The following C1orf185 variants were observed in gnomAD, a reference collection of about 807,000 sequenced individuals.
The protein encoded by C1orf185 is chromosome 1 open reading frame 185, also known as uncharacterized protein C1orf185.
Under a neutral mutation model 16.1 loss-of-function variants are expected in C1orf185, and 13 were observed. The observed-to-expected ratio is 0.81, with a 90% CI of 0.53 to 1.28. The LOEUF (loss-of-function observed/expected upper bound fraction) is 1.28, where lower values mean the gene tolerates loss of function less well. Ranked by LOEUF, C1orf185 falls within the 50% of genes most tolerant of loss-of-function variation. The pLI, the probability that C1orf185 is intolerant of heterozygous loss-of-function variation, is 0.00. For synonymous variants in C1orf185, 80 were observed against 76.9 expected (o/e 1.04, Z -0.21); for missense variants, 220 against 225.2 (o/e 0.98, Z 0.15).
chr1:51,132,321 C>T (rs1343788310), intron 3 of C1orf185, among the ~76,000 whole-genome samples: 1 of 152,194 alleles, frequency 6.6e-6, no homozygotes, highest in Admixed American at 6.5e-5. Flanking sequence ...CATTGAAACC[C>T]AGTGCAAGAA....
chr1:51,151,078 AG>A (rs781702807), downstream of C1orf185, among the ~76,000 whole-genome samples: 1 of 152,230 alleles, frequency 6.6e-6, no homozygotes, highest in East Asian at 1.9e-4. Context: ...ACATTGACAT[AG>A]GGTATTAATT....
At chr1:51,102,293 GA>G in intron 1 of C1orf185, 44 bp downstream of exon 1, 1 of 708,486 alleles carries the variant, frequency 1.4e-6, no homozygotes, top group Non-Finnish European at 2.6e-6. Context: ...TGCCTGGGAA[GA>G]AGAGGAAAAT....
rs889740152 is a variant in C1orf185 at position 51,102,382 on chromosome 1, G to C, written c.16+133G>C. On this transcript the variant is annotated intron_variant, in intron 1 of 4. Transcript: ENST00000371759. ...TAAGATAAGAAATACTTGAATCATG[G>C]GTATACAGTAGAAATTGTAAAGTTA... 1.2e-5 allele frequency: 6 copies of C among 509,960 alleles called. No homozygotes were observed. The South Asian group carries it at 1.9e-4, about 16-fold the overall frequency. 31.6% of individuals were successfully genotyped at this position (509,960 alleles called of 1,614,324 possible).
chr1:51,124,085 T>G (rs1013618879), intron 3 of C1orf185, among the ~76,000 whole-genome samples: 84 of 147,184 alleles, frequency 5.7e-4, no homozygotes, highest in African/African-American at 1.2e-3. Flanking sequence ...TAGTTTGTTT[T>G]TTTTTTTTTT....
downstream of C1orf185, among the ~76,000 whole-genome samples, chr1:51,151,186 A>G (rs1381005470): frequency 1.3e-5 from 2 of 152,244 alleles, no homozygotes; most frequent in Admixed American, 6.5e-5. Context: ...TGTTTGAACA[A>G]CTAAATGTAG....
At chr1:51,143,249 C>T (rs749861073) in intron 3 of C1orf185, among the ~76,000 whole-genome samples, 22 of 152,200 alleles carry the variant, frequency 1.4e-4, no homozygotes, top group Admixed American at 7.9e-4. Context: ...TCTAGCTATA[C>T]AAATTACTTG....
At chr1:51,137,592 C>T (rs373921501) in intron 3 of C1orf185, among the ~76,000 whole-genome samples, 4 of 152,100 alleles carry the variant, frequency 2.6e-5, no homozygotes, top group East Asian at 1.9e-4. Flanking sequence ...GGAACTCTTA[C>T]ACACTGTTAT....
At chr1:51,145,616 AT>A in intron 3 of C1orf185, 107 bp from the exon 4 acceptor site, 1 of 537,852 alleles carries the variant, frequency 1.9e-6, no homozygotes, top group Non-Finnish European at 3.0e-6. Context: ...AACATTTTCC[AT>A]TAAAAAATTA....
chr1:51,124,089 T>G (rs981478504), intron 3 of C1orf185, among the ~76,000 whole-genome samples: 13 of 148,172 alleles, frequency 8.8e-5, no homozygotes, highest in Non-Finnish European at 1.5e-4. Context: ...TTGTTTTTTT[T>G]TTTTTTTTTT....
intron 3 of C1orf185, among the ~76,000 whole-genome samples, chr1:51,132,420 A>G (rs555694895): frequency 2.0e-5 from 3 of 152,336 alleles, no homozygotes; most frequent in Non-Finnish European, 4.4e-5. Flanking sequence ...GAGCTGAAAA[A>G]CACACTACAT....
chr1:51,111,370 C>CTTTTTTTTTTTTT lies in C1orf185; in HGVS notation c.17-1091_17-1090insTTTTTTTTTTTTT, dbSNP rs35232347. Among the ~76,000 whole-genome samples, 73 of 114,398 alleles carry CTTTTTTTTTTTTT rather than the reference C, an allele frequency of 6.4e-4. 5 individuals carry two copies. Among genetic ancestry groups the CTTTTTTTTTTTTT allele is most frequent in the Middle Eastern group, 4.7e-3 (1 of 214 alleles). The allele number at this position is 114,398 out of a possible 152,430, so 75.0% of individuals were successfully genotyped here. On this transcript the variant is annotated intron_variant, in intron 1 of 4. Coordinates refer to ENST00000371759, the MANE Select transcript of C1orf185 (RefSeq NM_001136508.2). ...ATATTGCTTTCATTTAGCTTTCTTT[C>CTTTTTTTTTTTTT]TTTCTTTTTTTTTTTTTTTGAGAGA...
chr1:51,118,933 G>A, intron 3 of C1orf185, 132 bp downstream of exon 3: 1 of 668,606 alleles, frequency 1.5e-6, no homozygotes, highest in East Asian at 3.3e-5. Flanking sequence ...AAACTAGTTA[G>A]AGTTTATACT....
chr1:51,142,964 A>G (rs544994703), intron 3 of C1orf185, among the ~76,000 whole-genome samples: 1 of 152,112 alleles, frequency 6.6e-6, no homozygotes, highest in East Asian at 1.9e-4. Context: ...TGGCTTCACC[A>G]TGTTGGCCAG....
chr1:51,147,736 G>A lies in C1orf185; in HGVS notation c.565G>A (p.Glu189Lys). Residue 189 changes from glutamate to lysine, a missense_variant, in exon 5 of 5, where the codon GAG becomes AAG. By Grantham distance (56) the Glu-to-Lys change is moderately conservative. Transcript: ENST00000371759. The stretch of plus-strand genomic sequence containing the variant: ...ATACCTGTCAACCATTTCATTAGAA[G>A]AGGGTACTGAAAGTGTACTGAATGA... ...FSYLSTISLE[E>K]GTESVLNDTL 1 of 1,549,750 alleles carries A rather than the reference G, an allele frequency of 6.5e-7. No individual in the cohort carries two copies. Among genetic ancestry groups the A allele is most frequent in the Non-Finnish European group, 8.7e-7 (1 of 1,146,184 alleles).
intron 1 of C1orf185, among the ~76,000 whole-genome samples, chr1:51,111,799 C>A (rs111408170): frequency 0.016 from 2,400 of 152,240 alleles, 80 homozygotes; most frequent in African/African-American, 0.055. Flanking sequence ...GGATTACAGG[C>A]GTGAGCCACG....
At chr1:51,112,681 T>C in intron 2 of C1orf185, 112 bp downstream of exon 2, 1 of 1,055,580 alleles carries the variant, frequency 9.5e-7, no homozygotes, top group Non-Finnish European at 1.3e-6. Context: ...ATTGTTTAGT[T>C]TGGGATTTGG....
intron 1 of C1orf185, 24 bp from the exon 2 acceptor site, chr1:51,112,440 A>G (rs1037226683): frequency 1.3e-6 from 2 of 1,493,162 alleles, no homozygotes; most frequent in African/African-American, 1.4e-5. Flanking sequence ...GCATGAAATA[A>G]TCTTTTGTAA....
chr1:51,149,056 A>G (rs1646417923), downstream of C1orf185, among the ~76,000 whole-genome samples: 1 of 152,146 alleles, frequency 6.6e-6, no homozygotes, highest in Admixed American at 6.6e-5. Flanking sequence ...GATGATTTAG[A>G]GTTTCTCTCC....
intron 2 of C1orf185, among the ~76,000 whole-genome samples, chr1:51,118,160 T>A (rs964728606): frequency 9.2e-5 from 14 of 152,180 alleles, no homozygotes; most frequent in Admixed American, 5.9e-4. Context: ...CCTCAAGTGA[T>A]CCGCCCGCCT....
Sources: gnomAD v4.1 joint callset for allele counts (sites outside exome capture counted in the v4.1 genomes callset) on GRCh38, gnomAD v4.1.1 for gene constraint, MANE v1.5 for transcripts, NCBI Gene and HGNC (gene_info 2026-07-23, HGNC 2026-07-21) for gene names.